The following CEP63 variants were observed in gnomAD, a reference collection of about 807,000 sequenced individuals.
CEP63 encodes the protein centrosomal protein 63.
A neutral mutation model predicts 89.1 loss-of-function variants in CEP63; 84 were observed. That is an observed-to-expected ratio of 0.94 (90% CI 0.79 to 1.13). The LOEUF is 1.13. Ranked by LOEUF, CEP63 falls within the 50% of genes most tolerant of loss-of-function variation. The pLI, the probability that CEP63 is intolerant of heterozygous loss-of-function variation, is 0.00. For synonymous variants in CEP63, 267 were observed against 272.5 expected (o/e 0.98, Z 0.20); for missense variants, 838 against 813.3 (o/e 1.03, Z -0.37).
At chr3:134,538,547 A>ATATATATATATATATATATATG (rs1411880610) in intron 6 of CEP63, among the ~76,000 whole-genome samples, 1 of 140,480 alleles carries the variant, frequency 7.1e-6, no homozygotes, top group Non-Finnish European at 1.6e-5. Flanking sequence ...ATATATATAT[A>ATATATATATATATATATATATG]TATATATGTA....
the CEP63 span, chr3:134,608,646 C>T: frequency 1.2e-6 from 2 of 1,614,020 alleles, no homozygotes; most frequent in Non-Finnish European, 1.7e-6. Context: ...GCTCCGGGCT[C>T]ACCTGTTCTG....
At chr3:134,707,617 T>C in the CEP63 span, among the ~76,000 whole-genome samples, 1 of 152,180 alleles carries the variant, frequency 6.6e-6, no homozygotes, top group Non-Finnish European at 1.5e-5. Context: ...GCAACAGCTG[T>C]TAGGCACAGA....
the CEP63 span, among the ~76,000 whole-genome samples, chr3:134,749,253 G>A: frequency 6.6e-6 from 1 of 152,198 alleles, no homozygotes. Context: ...TCTGAGATGT[G>A]TCTGGAGAAT....
the CEP63 span, among the ~76,000 whole-genome samples, chr3:134,621,509 T>C: frequency 6.6e-6 from 1 of 152,168 alleles, no homozygotes; most frequent in African/African-American, 2.4e-5. Flanking sequence ...CAATTGAGTT[T>C]CCACATGCAA....
downstream of CEP63, among the ~76,000 whole-genome samples, chr3:134,575,214 C>T (rs56964343): frequency 0.57 from 33,181 of 58,588 alleles, 5,853 homozygotes; most frequent in Non-Finnish European, 0.58. Context: ...TCCCTCCCTC[C>T]CTCCCTCCCT....
downstream of CEP63, among the ~76,000 whole-genome samples, chr3:134,577,080 G>A (rs577222293): frequency 6.6e-6 from 1 of 152,290 alleles, no homozygotes; most frequent in Admixed American, 6.5e-5. Flanking sequence ...AGATTCCCAG[G>A]AAAGGGAGTG....
intron 6 of CEP63, among the ~76,000 whole-genome samples, chr3:134,544,889 G>A (rs997862579): frequency 2.6e-5 from 4 of 151,886 alleles, no homozygotes; most frequent in Non-Finnish European, 4.4e-5. Flanking sequence ...ACTTTGTCAC[G>A]CAGGCCGGAG....
At chr3:134,727,097 A>T in the CEP63 span, among the ~76,000 whole-genome samples, 1 of 152,008 alleles carries the variant, frequency 6.6e-6, no homozygotes, top group African/African-American at 2.4e-5. Flanking sequence ...TGAGATTTGA[A>T]ATTGTGTAAA....
the CEP63 span, among the ~76,000 whole-genome samples, chr3:134,670,839 T>A: frequency 1.3e-5 from 2 of 152,120 alleles, no homozygotes; most frequent in Non-Finnish European, 2.9e-5. Context: ...GTAGAGCAGT[T>A]ACAATGCACT....
At chr3:134,729,332 T>G in the CEP63 span, among the ~76,000 whole-genome samples, 18 of 152,212 alleles carry the variant, frequency 1.2e-4, no homozygotes, top group Non-Finnish European at 2.5e-4. Flanking sequence ...TCTCCCTTTC[T>G]TATACAAAAG....
downstream of CEP63, among the ~76,000 whole-genome samples, chr3:134,567,519 G>A (rs1957830304): frequency 6.9e-6 from 1 of 145,404 alleles, no homozygotes; most frequent in African/African-American, 2.5e-5. Flanking sequence ...AAAATATCAA[G>A]TTTATATTAA....
chr3:134,737,763 C>A, the CEP63 span, among the ~76,000 whole-genome samples: 1 of 152,180 alleles, frequency 6.6e-6, no homozygotes, highest in Non-Finnish European at 1.5e-5. Context: ...AGGGAGCCAG[C>A]TGGAATGGCT....
the CEP63 span, chr3:134,607,863 T>G: frequency 1.0e-6 from 1 of 989,406 alleles, no homozygotes; most frequent in Non-Finnish European, 1.2e-6. Context: ...GGAGGGGTAC[T>G]GAGCCAGCCA....
At chr3:134,639,062 A>T in the CEP63 span, among the ~76,000 whole-genome samples, 92 of 92,544 alleles carry the variant, frequency 9.9e-4, no homozygotes, top group African/African-American at 1.2e-3. Flanking sequence ...TTTTTTTTCT[A>T]CTTTGGAGTT....
chr3:134,781,252 A>AT, the CEP63 span, among the ~76,000 whole-genome samples: 11 of 152,096 alleles, frequency 7.2e-5, no homozygotes, highest in Admixed American at 1.3e-4. Flanking sequence ...AAAATTATAG[A>AT]TTTTTTTTGT....
chr3:134,573,976 T>C (rs1484547937), intron 11 of CEP63, among the ~76,000 whole-genome samples: 4 of 152,166 alleles, frequency 2.6e-5, no homozygotes, highest in Admixed American at 2.6e-4. Flanking sequence ...CTCCTGGGTC[T>C]TCTTGGAAGA....
chr3:134,593,453 A>G, the CEP63 span, among the ~76,000 whole-genome samples: 1 of 152,162 alleles, frequency 6.6e-6, no homozygotes, highest in Non-Finnish European at 1.5e-5. Context: ...AACTTGCACA[A>G]ATCAGCTGGG....
At chr3:134,646,624 A>T in the CEP63 span, among the ~76,000 whole-genome samples, 3 of 152,210 alleles carry the variant, frequency 2.0e-5, no homozygotes, top group Non-Finnish European at 4.4e-5. Flanking sequence ...ATGGTAGAAC[A>T]TAGCAGTTTA....
chr3:134,608,414 G>GT, the CEP63 span: 2 of 1,487,334 alleles, frequency 1.3e-6, no homozygotes, highest in Non-Finnish European at 1.8e-6. Context: ...TTATGCTAGT[G>GT]TGAGTGAGCT....
Sources: allele counts gnomAD v4.1 joint callset (sites outside exome capture counted in the v4.1 genomes callset), GRCh38; gene constraint gnomAD v4.1.1; transcripts MANE v1.5; gene names NCBI Gene and HGNC (gene_info 2026-07-23, HGNC 2026-07-21).